Variants in PCDH9 observed in about 807,000 individuals in gnomAD.
PCDH9 encodes the protein protocadherin 9.
In PCDH9, 24 loss-of-function variants were observed where a neutral mutation model predicts 70.6. The observed-to-expected ratio is 0.34, with a 90% CI of 0.25 to 0.48. The LOEUF is 0.48. Ranked by LOEUF, PCDH9 falls within the 20% of genes least tolerant of loss-of-function variation. The pLI, the probability that PCDH9 is intolerant of heterozygous loss-of-function variation, is 0.99. For missense variants in PCDH9, 1,281 were observed against 1,503.6 expected (o/e 0.85, Z 2.45); for synonymous variants, 562 against 558.5 (o/e 1.01, Z -0.09).
intron 3 of PCDH9, among the ~76,000 whole-genome samples, chr13:66,827,382 A>C (rs1396284063): frequency 6.6e-6 from 1 of 151,976 alleles, no homozygotes; most frequent in Non-Finnish European, 1.5e-5. Context: ...AAAGAAAAAA[A>C]AGAGAAAGCT....
chr13:66,590,354 A>G (rs2077022379), intron 4 of PCDH9, among the ~76,000 whole-genome samples: 1 of 152,064 alleles, frequency 6.6e-6, no homozygotes, highest in South Asian at 2.1e-4. Context: ...AGCTCTTAAC[A>G]TGATTAATAA....
In PCDH9 at chr13:66,433,662, C is replaced by G. The variant is rs533046072; in HGVS notation, c.3341-128634G>C. Among the ~76,000 whole-genome samples, 52 of 151,292 alleles carry G rather than the reference C, an allele frequency of 3.4e-4. No individual in the cohort carries two copies. In the South Asian group the frequency reaches 0.01, roughly 30 times the overall value. ...TATTATAATATTATAATTCTTATTA[C>G]CTAAAGTTAAGTATCCCACCCAATG... is the stretch of plus-strand genomic sequence containing the variant. On this transcript the variant is annotated intron_variant, in intron 4 of 4. Coordinates refer to ENST00000377865, the MANE Select transcript of PCDH9 (RefSeq NM_203487.3).
chr13:67,029,239 T>G (rs1038041460), intron 2 of PCDH9, among the ~76,000 whole-genome samples: 1 of 152,158 alleles, frequency 6.6e-6, no homozygotes, highest in Non-Finnish European at 1.5e-5. Context: ...CATTTGTCCT[T>G]ACATGAGATT....
At chr13:67,026,158 C>T (rs878962178) in intron 2 of PCDH9, among the ~76,000 whole-genome samples, 67 of 152,060 alleles carry the variant, frequency 4.4e-4, no homozygotes, top group Admixed American at 8.5e-4. Flanking sequence ...TATTGATTTG[C>T]GTATATTGAA....
chr13:66,361,339 T>C (rs1383892076), intron 4 of PCDH9, among the ~76,000 whole-genome samples: 2 of 152,182 alleles, frequency 1.3e-5, no homozygotes, highest in Admixed American at 6.6e-5. Context: ...TGTATATGTA[T>C]GTGATGTGAA....
intron 4 of PCDH9, among the ~76,000 whole-genome samples, chr13:66,520,130 C>G (rs574398786): frequency 6.6e-6 from 1 of 152,014 alleles, no homozygotes; most frequent in African/African-American, 2.4e-5. Flanking sequence ...CTTAAATGCC[C>G]TTTACGTCCT....
At chr13:66,730,887 G>GT (rs1303010293) in intron 3 of PCDH9, among the ~76,000 whole-genome samples, 1,414 of 60,758 alleles carry the variant, frequency 0.023, 97 homozygotes, top group African/African-American at 0.082. Context: ...TTTTTTTTTT[G>GT]TTTGTTTCTT....
At chr13:66,960,097 A>G (rs2083323107) in intron 2 of PCDH9, among the ~76,000 whole-genome samples, 1 of 152,202 alleles carries the variant, frequency 6.6e-6, no homozygotes, top group Non-Finnish European at 1.5e-5. Context: ...CTGACATGCA[A>G]GAAAGATCCG....
intron 4 of PCDH9, among the ~76,000 whole-genome samples, chr13:66,531,947 T>C (rs1178886820): frequency 1.3e-5 from 2 of 152,094 alleles, no homozygotes; most frequent in Admixed American, 6.6e-5. Flanking sequence ...ACATCTCTAA[T>C]TGCTGCTTGC....
chr13:66,588,491 CAT>C (rs10535210), intron 4 of PCDH9, among the ~76,000 whole-genome samples: 140,135 of 148,754 alleles, frequency 0.94, 66,442 homozygotes, highest in Non-Finnish European at 0.99. Flanking sequence ...GAGAGAACGT[CAT>C]ATATATATAT....
At chr13:66,552,530 G>A (rs1961531394) in intron 4 of PCDH9, among the ~76,000 whole-genome samples, 1 of 152,082 alleles carries the variant, frequency 6.6e-6, no homozygotes, top group Admixed American at 6.5e-5. Flanking sequence ...CCATGCCAGA[G>A]CCTGATGCCT....
intron 2 of PCDH9, among the ~76,000 whole-genome samples, chr13:66,907,604 A>AT (rs1269109635): frequency 7.9e-5 from 12 of 152,182 alleles, no homozygotes; most frequent in African/African-American, 1.4e-4. Context: ...TTACTCTTTC[A>AT]TTTTTGAAAT....
intron 2 of PCDH9, among the ~76,000 whole-genome samples, chr13:67,128,721 G>A (rs1454245962): frequency 2.0e-5 from 3 of 152,152 alleles, no homozygotes; most frequent in East Asian, 1.9e-4. Flanking sequence ...GTGGATAAAC[G>A]ATAGTGTTAC....
intron 4 of PCDH9, among the ~76,000 whole-genome samples, chr13:66,431,356 G>A (rs1013745097): frequency 5.9e-5 from 9 of 151,932 alleles, no homozygotes; most frequent in African/African-American, 2.2e-4. Context: ...AACTAAGAAA[G>A]AAACTGACAC....
At chr13:67,033,582 A>C (rs568614456) in intron 2 of PCDH9, among the ~76,000 whole-genome samples, 82 of 152,304 alleles carry the variant, frequency 5.4e-4, no homozygotes, top group African/African-American at 1.8e-3. Flanking sequence ...GAGTCAGGTC[A>C]TGATGATGGG....
chr13:66,883,352 A>C (rs1352068511), intron 3 of PCDH9, among the ~76,000 whole-genome samples: 4 of 152,084 alleles, frequency 2.6e-5, no homozygotes, highest in Non-Finnish European at 2.9e-5. Context: ...TGCCAGATAT[A>C]TAATCAGCAC....
chr13:66,483,603 G>A (rs1958881214), intron 4 of PCDH9, among the ~76,000 whole-genome samples: 1 of 152,174 alleles, frequency 6.6e-6, no homozygotes, highest in Non-Finnish European at 1.5e-5. Context: ...AAGCAACTTT[G>A]CTATTTTTGC....
intron 4 of PCDH9, among the ~76,000 whole-genome samples, chr13:66,455,517 C>G (rs1008893393): frequency 2.0e-5 from 3 of 151,914 alleles, no homozygotes; most frequent in African/African-American, 7.2e-5. Flanking sequence ...ATTTTAGAAT[C>G]CCAATAAAGT....
chr13:66,682,754 C>A (rs1053640256), intron 3 of PCDH9, among the ~76,000 whole-genome samples: 1 of 151,912 alleles, frequency 6.6e-6, no homozygotes, highest in African/African-American at 2.4e-5. Context: ...TTATGTGTTC[C>A]CAACTGGAAT....
Sources: allele counts gnomAD v4.1 joint callset (sites outside exome capture counted in the v4.1 genomes callset), GRCh38; gene constraint gnomAD v4.1.1; transcripts MANE v1.5; gene names NCBI Gene and HGNC (gene_info 2026-07-23, HGNC 2026-07-21).